Variants in PIGP observed in about 807,000 individuals in gnomAD.
The protein encoded by PIGP is phosphatidylinositol N-acetylglucosaminyltransferase subunit P.
A neutral mutation model predicts 16.9 loss-of-function variants in PIGP; 12 were observed. The ratio of observed to expected loss-of-function variants is 0.71; its 90% CI spans 0.46 to 1.15. PIGP has a LOEUF of 1.15. Ranked by LOEUF, PIGP falls within the 50% of genes most tolerant of loss-of-function variation. The probability of loss-of-function intolerance (pLI) is 0.00; values close to 1 mark genes in which losing one functional copy is unlikely to be tolerated. For missense variants in PIGP, 159 were observed against 153.5 expected (o/e 1.04, Z -0.19); for synonymous variants, 57 against 54.7 (o/e 1.04, Z -0.18).
At chr21:37,065,951 C>T (rs1051473277) in intron 4 of PIGP, among the ~76,000 whole-genome samples, 17 of 152,066 alleles carry the variant, frequency 1.1e-4, no homozygotes, top group Admixed American at 1.3e-4. Flanking sequence ...GGTGAGGTGG[C>T]GGGCGCCTGT....
chr21:37,072,275 G>C (rs952042581), intron 2 of PIGP, 159 bp downstream of exon 2: 3 of 1,608,096 alleles, frequency 1.9e-6, no homozygotes, highest in African/African-American at 1.3e-5. Flanking sequence ...GCTGGCACAC[G>C]GAACACTCAG....
At chr21:37,071,878 T>G (rs73200243) in intron 2 of PIGP, among the ~76,000 whole-genome samples, 18,618 of 152,158 alleles carry the variant, frequency 0.12, 1,279 homozygotes, top group Non-Finnish European at 0.15. Flanking sequence ...ACGACACACC[T>G]TTCAACCCGA....
At chr21:37,071,169 A>G (rs2069452785) in intron 2 of PIGP, among the ~76,000 whole-genome samples, 1 of 152,244 alleles carries the variant, frequency 6.6e-6, no homozygotes, top group East Asian at 1.9e-4. Context: ...ATCAGTAGCT[A>G]ACACTTATTA....
chr21:37,070,857 G>C (rs1250803246), intron 2 of PIGP, among the ~76,000 whole-genome samples: 1 of 152,226 alleles, frequency 6.6e-6, no homozygotes, highest in Non-Finnish European at 1.5e-5. Context: ...CCGCCTCCCG[G>C]GTTCAAGCGA....
chr21:37,068,420 C>A (rs2069943600), intron 3 of PIGP, among the ~76,000 whole-genome samples: 1 of 151,940 alleles, frequency 6.6e-6, no homozygotes, highest in Non-Finnish European at 1.5e-5. Context: ...TTCCTGTTTG[C>A]ATAGCATTCT....
chr21:37,072,709 G>C, intron 1 of PIGP, 172 bp from the exon 2 acceptor site: 1 of 1,041,704 alleles, frequency 9.6e-7, no homozygotes, highest in Non-Finnish European at 1.4e-6. Flanking sequence ...CCAGGCTGGC[G>C]CGCGCCCCGC....
At chr21:37,072,887 G>A in intron 1 of PIGP, 113 bp downstream of exon 1, 1 of 386,040 alleles carries the variant, frequency 2.6e-6, no homozygotes, top group Admixed American at 4.5e-5. Flanking sequence ...CCAGGCCCCG[G>A]GCCCTGCCCA....
At chr21:37,066,372 C>T (rs2069903331) in intron 4 of PIGP, among the ~76,000 whole-genome samples, 1 of 152,090 alleles carries the variant, frequency 6.6e-6, no homozygotes, top group African/African-American at 2.4e-5. Flanking sequence ...CTGCCAATTC[C>T]AATCAAGAAT....
At chr21:37,072,853 T>C (rs553844478) in intron 1 of PIGP, 147 bp downstream of exon 1, 1 of 458,454 alleles carries the variant, frequency 2.2e-6, no homozygotes, top group African/African-American at 2.1e-5. Flanking sequence ...CCCACCAGCA[T>C]GCGGGCCTAC....
chr21:37,072,313 TAA>T (rs1282448550), intron 2 of PIGP, 119 bp downstream of exon 2: 2 of 1,599,312 alleles, frequency 1.3e-6, no homozygotes, highest in African/African-American at 2.7e-5. Context: ...CAGATTTTCT[TAA>T]AAAGAGACAT....
chr21:37,068,151 A>T (rs1416256149), intron 3 of PIGP, among the ~76,000 whole-genome samples: 6 of 150,322 alleles, frequency 4.0e-5, no homozygotes, highest in Non-Finnish European at 7.4e-5. Flanking sequence ...ACACCACCAC[A>T]CCTGGCTAAT....
At chr21:37,072,617 C>A (rs762155393) in intron 1 of PIGP, 80 bp from the exon 2 acceptor site, 2 of 1,602,372 alleles carry the variant, frequency 1.2e-6, no homozygotes, top group Non-Finnish European at 1.7e-6. Flanking sequence ...CGCTCCGCCG[C>A]GGGTACGGCC....
chr21:37,072,146 C>A (rs750929593), intron 2 of PIGP: 2 of 1,054,388 alleles, frequency 1.9e-6, no homozygotes, highest in Non-Finnish European at 3.0e-6. Context: ...TAGATTTACC[C>A]ATCTGTCTCC....
At chr21:37,067,654 T>C (rs904810025) in intron 3 of PIGP, among the ~76,000 whole-genome samples, 1 of 152,178 alleles carries the variant, frequency 6.6e-6, no homozygotes, top group Non-Finnish European at 1.5e-5. Flanking sequence ...AACATGCTCA[T>C]ATTACTATTT....
chr21:37,065,588 T>C lies in PIGP; in HGVS notation c.399A>G (p.Lys133=), dbSNP rs1181284540. ...FFLAAKELYT[K]N ...TACTATGGTTACACACAGTTCAGTT[T>C]TTGGTGTAAAGTTCTTTGGCTGCAA... Residue 133 remains lysine (K), a synonymous_variant, in exon 5 of 5, where the codon AAA becomes AAG. Transcript: ENST00000360525. The C allele has an allele frequency of 6.2e-7, 1 of 1,612,824 alleles. No individual in the cohort carries two copies. The highest frequency in any genetic ancestry group is 8.5e-7 in the Non-Finnish European group (1 of 1,179,510).
Position 37,065,543 on chromosome 21 carries a change from A to C in PIGP, c.*39T>G, listed in dbSNP as rs1181589808. 1 of 1,579,266 alleles carries C rather than the reference A, an allele frequency of 6.3e-7. No individual in the cohort carries two copies. Among genetic ancestry groups the C allele is most frequent in the Non-Finnish European group, 8.6e-7 (1 of 1,169,224 alleles). On this transcript the variant is annotated 3_prime_UTR_variant, in exon 5 of 5. Transcript: ENST00000360525. The stretch of plus-strand genomic sequence containing the variant: ...AAAATTATAATGGCAAAAACTTATA[A>C]ATAAATACGTGCTTGGTGTTACTAT...
intron 2 of PIGP, 26 bp downstream of exon 2, chr21:37,072,408 T>C (rs551750082): frequency 6.2e-7 from 1 of 1,613,584 alleles, no homozygotes; most frequent in African/African-American, 1.3e-5. Flanking sequence ...AAAAAGCCCC[T>C]GGCCATCCAT....
At chr21:37,070,601 G>C (rs760563797) in intron 2 of PIGP, among the ~76,000 whole-genome samples, 27 of 152,192 alleles carry the variant, frequency 1.8e-4, no homozygotes, top group Non-Finnish European at 2.8e-4. Context: ...TACTATATAC[G>C]TTTTTCTTAT....
At chr21:37,072,629 C>T in intron 1 of PIGP, 92 bp from the exon 2 acceptor site, 2 of 1,599,406 alleles carry the variant, frequency 1.3e-6, no homozygotes, top group Non-Finnish European at 8.5e-7. Flanking sequence ...GGTACGGCCC[C>T]CGCCGCGCAG....
Sources: allele counts gnomAD v4.1 joint callset (sites outside exome capture counted in the v4.1 genomes callset), GRCh38; gene constraint gnomAD v4.1.1; transcripts MANE v1.5; gene names NCBI Gene and HGNC (gene_info 2026-07-23, HGNC 2026-07-21).